The following HMGCLL1 variants were observed in gnomAD, a reference collection of about 807,000 sequenced individuals.
HMGCLL1 encodes the protein 3-hydroxy-3-methylglutaryl-CoA lyase like 1.
HMGCLL1 carries 36 observed loss-of-function variants against 39.1 expected under a neutral mutation model. That is an observed-to-expected ratio of 0.92 (90% CI 0.71 to 1.22). The LOEUF is 1.22. Ranked by LOEUF, HMGCLL1 falls within the 50% of genes most tolerant of loss-of-function variation. The probability of loss-of-function intolerance (pLI) is 0.00; values close to 1 mark genes in which losing one functional copy is unlikely to be tolerated. For missense variants in HMGCLL1, 451 were observed against 416.5 expected (o/e 1.08, Z -0.72); for synonymous variants, 149 against 144.0 (o/e 1.03, Z -0.25).
the HMGCLL1 span, among the ~76,000 whole-genome samples, chr6:55,650,259 C>CATTG: frequency 6.6e-6 from 1 of 150,480 alleles, no homozygotes; most frequent in Admixed American, 6.7e-5. Context: ...AGTGTTTGGG[C>CATTG]ATTGAAGGGT....
chr6:55,456,736 A>T (rs760033431), intron 7 of HMGCLL1, among the ~76,000 whole-genome samples: 15 of 152,168 alleles, frequency 9.9e-5, no homozygotes, highest in Non-Finnish European at 1.8e-4. Context: ...GCATGGTTCC[A>T]GCTCTCTCAC....
chr6:55,482,122 T>C (rs74335630), intron 7 of HMGCLL1, among the ~76,000 whole-genome samples: 1,586 of 152,252 alleles, frequency 0.01, 33 homozygotes, highest in African/African-American at 0.037. Flanking sequence ...AATACTCTGA[T>C]TCTACAATAA....
chr6:55,650,699 G>T, the HMGCLL1 span, among the ~76,000 whole-genome samples: 2 of 151,972 alleles, frequency 1.3e-5, no homozygotes, highest in Non-Finnish European at 2.9e-5. Flanking sequence ...AACAATCTTG[G>T]CAATTTATCT....
intron 5 of HMGCLL1, among the ~76,000 whole-genome samples, chr6:55,499,621 T>C (rs1458203766): frequency 6.6e-6 from 1 of 152,074 alleles, no homozygotes; most frequent in Non-Finnish European, 1.5e-5. Context: ...AAATATATGG[T>C]TTTATTAAAA....
chr6:55,529,602 A>C (rs1291593563), intron 3 of HMGCLL1, among the ~76,000 whole-genome samples: 2 of 152,232 alleles, frequency 1.3e-5, no homozygotes, highest in East Asian at 3.9e-4. Flanking sequence ...ATAAGACAGA[A>C]CTTTAAAAAA....
intron 1 of HMGCLL1, among the ~76,000 whole-genome samples, chr6:55,553,202 C>CAT (rs70986734): frequency 0.92 from 136,966 of 148,520 alleles, 63,476 homozygotes; most frequent in East Asian, 0.98. Context: ...CACACACACA[C>CAT]ATACACACAC....
intron 7 of HMGCLL1, among the ~76,000 whole-genome samples, chr6:55,477,435 ATATT>A (rs1765500591): frequency 1.8e-5 from 1 of 54,500 alleles, no homozygotes; most frequent in South Asian, 5.2e-4. Flanking sequence ...TATATATTAT[ATATT>A]ATATATATAA....
At chr6:55,645,915 G>T in the HMGCLL1 span, among the ~76,000 whole-genome samples, 5 of 151,748 alleles carry the variant, frequency 3.3e-5, no homozygotes, top group African/African-American at 1.2e-4. Context: ...TATAAAATGA[G>T]TTTGAAAGTA....
In HMGCLL1 at chr6:55,518,505, CTG is replaced by C. The variant is rs903214481; in HGVS notation, c.298-1904_298-1903del. On this transcript the variant is annotated intron_variant, in intron 3 of 8. Transcript: ENST00000274901. ...ACTCTTTTCCTTGAAGCTGGGTAGA[CTG>C]TGATTCCTCCAACTATTAGAATGTA... Among the ~76,000 whole-genome samples, 14 of 152,238 alleles carry C rather than the reference CTG, an allele frequency of 9.2e-5. 1 individual carries two copies. The highest frequency in any genetic ancestry group is 5.9e-4 in the Admixed American group (9 of 15,258).
chr6:55,478,853 A>AT (rs146054242), intron 7 of HMGCLL1, among the ~76,000 whole-genome samples: 3,587 of 148,652 alleles, frequency 0.024, 222 homozygotes, highest in African/African-American at 0.083. Context: ...ATTTCACATC[A>AT]TTTTTTTTTT....
At chr6:55,547,522 C>A (rs1325626113) in intron 1 of HMGCLL1, among the ~76,000 whole-genome samples, 1 of 151,750 alleles carries the variant, frequency 6.6e-6, no homozygotes, top group African/African-American at 2.4e-5. Flanking sequence ...GTTTCATGCA[C>A]TTCATTTCTT....
chr6:55,490,760 T>C (rs1766266960), intron 7 of HMGCLL1, among the ~76,000 whole-genome samples: 1 of 152,144 alleles, frequency 6.6e-6, no homozygotes, highest in African/African-American at 2.4e-5. Flanking sequence ...TATCTAGAAA[T>C]AGATGAAGAT....
At chr6:55,442,516 G>A (rs1763647201) in intron 7 of HMGCLL1, among the ~76,000 whole-genome samples, 1 of 152,098 alleles carries the variant, frequency 6.6e-6, no homozygotes, top group Admixed American at 6.6e-5. Context: ...CACTTGCCTA[G>A]AGTTTCCTTT....
chr6:55,489,174 T>C (rs13194745), intron 7 of HMGCLL1, among the ~76,000 whole-genome samples: 51,090 of 151,812 alleles, frequency 0.34, 8,899 homozygotes, highest in Non-Finnish European at 0.37. Flanking sequence ...GAGAAAAAAT[T>C]GAAAATAAAC....
Position 55,540,028 on chromosome 6 carries a change from GGGAGGGAGGGAGGGAGGGAGGGAA to G in HMGCLL1, c.297+1677_297+1700del, listed in dbSNP as rs1561947197. On this transcript the variant is annotated intron_variant, in intron 3 of 8. Coordinates refer to ENST00000274901, the MANE Select transcript of HMGCLL1 (RefSeq NM_001042406.2). ...AGGGAGGGAGGGAGGGAGGGAGGGA[GGGAGGGAGGGAGGGAGGGAGGGAA>G]GGAAGCAAAGGAGGGAAGGGAAGGA... Among the ~76,000 whole-genome samples the G allele has an allele frequency of 9.7e-5, 7 of 72,398 alleles. No individual in the cohort carries two copies. In the East Asian group the frequency reaches 1.5e-3, roughly 16 times the overall value. 47.5% of individuals were successfully genotyped at this position (72,398 alleles called of 152,430 possible).
At chr6:55,565,606 G>A (rs1581956671) in intron 1 of HMGCLL1, among the ~76,000 whole-genome samples, 1 of 151,886 alleles carries the variant, frequency 6.6e-6, no homozygotes, top group East Asian at 1.9e-4. Flanking sequence ...CCATCAAAAG[G>A]TCAACATCTG....
At chr6:55,478,087 GTTT>G (rs11372906) in intron 7 of HMGCLL1, among the ~76,000 whole-genome samples, 17 of 143,172 alleles carry the variant, frequency 1.2e-4, no homozygotes, top group Non-Finnish European at 1.8e-4. Context: ...GTGAGGTTCT[GTTT>G]TTTTTTTTCA....
At chr6:55,534,204 T>C (rs932312227) in intron 3 of HMGCLL1, among the ~76,000 whole-genome samples, 2 of 152,184 alleles carry the variant, frequency 1.3e-5, no homozygotes, top group African/African-American at 2.4e-5. Flanking sequence ...GTACTTATTA[T>C]TTAACTATTA....
chr6:55,674,011 A>G, the HMGCLL1 span, among the ~76,000 whole-genome samples: 39 of 152,024 alleles, frequency 2.6e-4, no homozygotes, highest in Non-Finnish European at 5.0e-4. Context: ...GTTGATATCA[A>G]TGAATGCAAA....
Sources: allele counts gnomAD v4.1 joint callset (sites outside exome capture counted in the v4.1 genomes callset), GRCh38; gene constraint gnomAD v4.1.1; transcripts MANE v1.5; gene names NCBI Gene and HGNC (gene_info 2026-07-23, HGNC 2026-07-21).